Variants in EBF2 observed in about 807,000 individuals in gnomAD.
The protein encoded by EBF2 is EBF transcription factor 2, also known as transcription factor COE2.
EBF2 carries 21 observed loss-of-function variants against 72.8 expected under a neutral mutation model. The ratio of observed to expected loss-of-function variants is 0.29; its 90% CI spans 0.20 to 0.42. The LOEUF (loss-of-function observed/expected upper bound fraction) is 0.42. Ranked by LOEUF, EBF2 falls within the 10% of genes least tolerant of loss-of-function variation. The pLI, the probability that EBF2 is intolerant of heterozygous loss-of-function variation, is 1.00. For missense variants in EBF2, 637 were observed against 731.2 expected, an observed-to-expected ratio of 0.87 and a Z score of 1.49; for synonymous variants, 299 against 274.2, an observed-to-expected ratio of 1.09 and a Z score of -0.89.
intron 14 of EBF2, among the ~76,000 whole-genome samples, chr8:25,851,852 C>T (rs1801984513): frequency 6.6e-6 from 1 of 152,216 alleles, no homozygotes; most frequent in South Asian, 2.1e-4. Context: ...ACAAGGTGAA[C>T]TGAAGGTCAA....
chr8:26,004,582 C>A (rs1474743738), intron 6 of EBF2, among the ~76,000 whole-genome samples: 1 of 142,256 alleles, frequency 7.0e-6, no homozygotes, highest in Non-Finnish European at 1.5e-5. Flanking sequence ...GGCTGAGGCA[C>A]ACGAATTGTT....
chr8:26,027,353 C>T (rs17054776), intron 6 of EBF2, among the ~76,000 whole-genome samples: 19,973 of 151,934 alleles, frequency 0.13, 1,668 homozygotes, highest in East Asian at 0.41. Flanking sequence ...CTGTGTTAGA[C>T]AGCAGGAGAA....
chr8:25,845,056 T>C (rs1217843845), intron 15 of EBF2, among the ~76,000 whole-genome samples: 4 of 152,222 alleles, frequency 2.6e-5, no homozygotes, highest in Admixed American at 1.3e-4. Context: ...GCTGAGCCTG[T>C]TGATTTACTA....
At position 26,040,967 on chromosome 8, in the gene EBF2, G is replaced by T; in HGVS notation, c.324C>A (p.His108Gln). The change falls in exon 3 of 16, where the codon CAC (histidine) becomes CAA (glutamine). Residue 108 changes from histidine to glutamine, a missense_variant. Around this residue, in one of 3 missense-constraint regions of EBF2, gnomAD observed 174 missense variants for 161.9 expected, o/e 1.07. Transcript: ENST00000520164. ...QGNEKTNNGT[H>Q]YKLQLLYSNG... ...TGCTGTAGAGGAGCTGTAACTTGTA[G>T]TGAGTGCCGTTGTTGGTCTTCTCGT... 1 of 1,614,248 alleles carries T rather than the reference G, an allele frequency of 6.2e-7. No individual in the cohort carries two copies. Among genetic ancestry groups the T allele is most frequent in the Non-Finnish European group, 8.5e-7 (1 of 1,180,046 alleles).
At chr8:25,937,917 A>C (rs1803605812) in intron 6 of EBF2, among the ~76,000 whole-genome samples, 1 of 151,958 alleles carries the variant, frequency 6.6e-6, no homozygotes, top group African/African-American at 2.4e-5. Flanking sequence ...CAAATTTTCC[A>C]CCCAAGTTCG....
At chr8:26,022,132 T>C (rs2117245637) in intron 6 of EBF2, among the ~76,000 whole-genome samples, 1 of 152,304 alleles carries the variant, frequency 6.6e-6, no homozygotes, top group South Asian at 2.1e-4. Flanking sequence ...CACAATCTAT[T>C]CTATGTGAAT....
chr8:25,844,754 G>T, intron 15 of EBF2, 114 bp from the exon 16 acceptor site: 1 of 1,355,362 alleles, frequency 7.4e-7, no homozygotes. Context: ...TATTCAAGGA[G>T]ATGGTGCCCT....
rs73677220 is a variant in EBF2, at chr8:25,846,190, A to G, written c.1697-1550T>C. ...GGACACTCCCTGATGACTTAGAGAT[A>G]TAGCAACCCTAGTAATTATCCCAGA... On this transcript the variant is annotated intron_variant, in intron 15 of 15. Coordinates refer to ENST00000520164, the MANE Select transcript of EBF2 (RefSeq NM_022659.4). Among the ~76,000 whole-genome samples, 441 of 152,330 alleles carry G rather than the reference A, an allele frequency of 2.9e-3. 3 individuals are homozygous for G. Among genetic ancestry groups the G allele is most frequent in the African/African-American group, 0.01 (416 of 41,566 alleles).
chr8:25,875,874 C>A (rs1417124987), intron 10 of EBF2, among the ~76,000 whole-genome samples: 2 of 152,122 alleles, frequency 1.3e-5, no homozygotes, highest in Non-Finnish European at 2.9e-5. Context: ...GGATCTAGAA[C>A]CAGAACTGCC....
At chr8:25,969,811 C>A (rs899889879) in intron 6 of EBF2, among the ~76,000 whole-genome samples, 4 of 152,086 alleles carry the variant, frequency 2.6e-5, no homozygotes, top group Non-Finnish European at 4.4e-5. Context: ...CTCAAGCAAC[C>A]CTCCCACTTC....
intron 6 of EBF2, among the ~76,000 whole-genome samples, chr8:25,943,402 TG>T (rs1266897712): frequency 6.6e-6 from 1 of 151,752 alleles, no homozygotes; most frequent in Non-Finnish European, 1.5e-5. Context: ...TCCAGCTACT[TG>T]GGAGGCTGAG....
At chr8:26,030,676 A>G (rs145788815) in intron 6 of EBF2, among the ~76,000 whole-genome samples, 2 of 152,320 alleles carry the variant, frequency 1.3e-5, no homozygotes, top group African/African-American at 2.4e-5. Context: ...ACCCTTTGGT[A>G]TGTATGTTTC....
At chr8:25,849,435 C>T (rs1192458637) in intron 15 of EBF2, among the ~76,000 whole-genome samples, 1 of 152,194 alleles carries the variant, frequency 6.6e-6, no homozygotes, top group East Asian at 1.9e-4. Flanking sequence ...ATGCCATCCC[C>T]AGGACAATGC....
chr8:26,006,613 A>T (rs1048133130), intron 6 of EBF2, among the ~76,000 whole-genome samples: 3 of 152,196 alleles, frequency 2.0e-5, no homozygotes, highest in Non-Finnish European at 4.4e-5. Flanking sequence ...CGTCCAATTA[A>T]TTACATTTCC....
At chr8:25,951,655 T>C (rs188996077) in intron 6 of EBF2, among the ~76,000 whole-genome samples, 2 of 151,874 alleles carry the variant, frequency 1.3e-5, no homozygotes, top group Admixed American at 6.6e-5. Context: ...GATGAGAGAG[T>C]TTTTAGTTCT....
At chr8:25,972,856 A>G (rs1274266872) in intron 6 of EBF2, among the ~76,000 whole-genome samples, 3 of 150,678 alleles carry the variant, frequency 2.0e-5, no homozygotes, top group Admixed American at 1.3e-4. Context: ...AATATGCAAT[A>G]CAATGCAGTT....
intron 7 of EBF2, among the ~76,000 whole-genome samples, chr8:25,891,036 C>T (rs927740116): frequency 2.6e-5 from 4 of 152,136 alleles, no homozygotes; most frequent in African/African-American, 7.2e-5. Flanking sequence ...GGTCTAAGCT[C>T]GGGGGGAGGT....
rs1805613581 is a variant in EBF2 at position 26,042,234 on chromosome 8, C to T, written c.149G>A (p.Arg50Gln). 1 of 1,613,532 alleles carries T rather than the reference C, an allele frequency of 6.2e-7. No homozygotes were observed. Among genetic ancestry groups the T allele is most frequent in the Non-Finnish European group, 8.5e-7 (1 of 1,179,786 alleles). The part of the protein sequence containing the change: ...VAAQSGVALS[R>Q]AHFEKQPPSN... ...AGGAGGCTGTTTCTCAAAGTGGGCC[C>T]GGGACAGGGCGACCCCGCTGCACAG... Residue 50 changes from arginine (R) to glutamine (Q), a missense_variant, in exon 2 of 16, where the codon CGG (arginine) becomes CAG (glutamine). Transcript: ENST00000520164.
intron 6 of EBF2, among the ~76,000 whole-genome samples, chr8:25,988,008 G>C (rs1804489032): frequency 1.3e-5 from 2 of 152,134 alleles, no homozygotes; most frequent in South Asian, 2.1e-4. Context: ...TGCATTCCAA[G>C]GACAGCTTAG....
Sources: allele counts gnomAD v4.1 joint callset (sites outside exome capture counted in the v4.1 genomes callset), GRCh38; gene constraint gnomAD v4.1.1; regional missense constraint gnomAD v4.1.1; transcripts MANE v1.5; gene names NCBI Gene and HGNC (gene_info 2026-07-23, HGNC 2026-07-21).